Variants in DPP10 observed in about 807,000 individuals in gnomAD.
DPP10 encodes the protein inactive dipeptidyl peptidase 10.
A neutral mutation model predicts 120.9 loss-of-function variants in DPP10; 33 were observed. The ratio of observed to expected loss-of-function variants is 0.27; its 90% CI spans 0.21 to 0.37. The LOEUF (loss-of-function observed/expected upper bound fraction) is 0.37. Among genes scored for constraint, DPP10 ranks in the 10% least tolerant of loss-of-function variants. DPP10 has a pLI of 1.00. For synonymous variants in DPP10, 337 were observed against 326.1 expected (o/e 1.03, Z -0.36); for missense variants, 816 against 942.8 (o/e 0.87, Z 1.76).
chr2:115,365,772 G>A (rs2065043321), intron 3 of DPP10, among the ~76,000 whole-genome samples: 1 of 152,074 alleles, frequency 6.6e-6, no homozygotes, highest in African/African-American at 2.4e-5. Context: ...TTTTATTTGA[G>A]CTAAATTGGA....
intron 1 of DPP10, among the ~76,000 whole-genome samples, chr2:115,253,876 A>C (rs2058859214): frequency 6.6e-6 from 1 of 152,210 alleles, no homozygotes; most frequent in Non-Finnish European, 1.5e-5. Context: ...GCAATGCCAC[A>C]GTGGGAACTC....
chr2:114,842,430 A>G lies in DPP10; in HGVS notation c.60+399592A>G, dbSNP rs149261563. 5.0e-4 allele frequency among the ~76,000 whole-genome samples: 76 copies of G among 152,204 alleles called. 2 individuals carry two copies. Among genetic ancestry groups the G allele is most frequent in the African/African-American group, 1.4e-3 (58 of 41,546 alleles). On this transcript the variant is annotated intron_variant, in intron 1 of 25. Transcript: ENST00000410059. ...GTCAATCATGAATTAGATGATCAGG[A>G]GATGAGTGACTAAGTCTATAGGACG...
At chr2:115,235,214 G>A (rs113078864) in intron 1 of DPP10, among the ~76,000 whole-genome samples, 87 of 152,240 alleles carry the variant, frequency 5.7e-4, no homozygotes, top group African/African-American at 2.0e-3. Context: ...AATAATATGA[G>A]CTGGATATAG....
chr2:115,763,365 G>T (rs942304181), intron 12 of DPP10, among the ~76,000 whole-genome samples: 7 of 152,030 alleles, frequency 4.6e-5, no homozygotes, highest in Non-Finnish European at 1.0e-4. Flanking sequence ...ATTTATGCTT[G>T]CCATCTCCTC....
Position 115,207,322 on chromosome 2 carries a change from T to C in DPP10, c.61-101917T>C, listed in dbSNP as rs140667040. Among the ~76,000 whole-genome samples the C allele has an allele frequency of 7.8e-4, 118 of 151,034 alleles. 1 individual carries two copies. The East Asian group carries it at 0.016, about 21-fold the overall frequency. ...CTTGGCAATTAGTGCTTTCCTAGCTTCAGTTTTACTTTGGTGCAATAGGCA... is the reference window on the plus strand; with the variant it reads ...CTTGGCAATTAGTGCTTTCCTAGCTCCAGTTTTACTTTGGTGCAATAGGCA... On this transcript the variant is annotated intron_variant, in intron 1 of 25. Coordinates refer to ENST00000410059, the MANE Select transcript of DPP10 (RefSeq NM_020868.6).
chr2:114,646,085 A>G (rs1035809599), intron 1 of DPP10, among the ~76,000 whole-genome samples: 21 of 151,830 alleles, frequency 1.4e-4, no homozygotes, highest in African/African-American at 5.1e-4. Flanking sequence ...GCTTGAACCC[A>G]GGAGGCGGAG....
intron 1 of DPP10, among the ~76,000 whole-genome samples, chr2:114,497,294 CATGTATA>C (rs1204248954): frequency 1.8e-5 from 1 of 54,806 alleles, no homozygotes; most frequent in Non-Finnish European, 5.3e-5. Flanking sequence ...TATACATGTA[CATGTATA>C]CGTGTATACA....
At chr2:115,525,162 A>G (rs892713491) in intron 4 of DPP10, among the ~76,000 whole-genome samples, 1 of 151,968 alleles carries the variant, frequency 6.6e-6, no homozygotes, top group African/African-American at 2.4e-5. Context: ...TTTTGTTTCT[A>G]TTTTGGAGTT....
Position 115,207,982 on chromosome 2 carries a change from A to G in DPP10, c.61-101257A>G, listed in dbSNP as rs528100872. ...AGTGAGTCCTAGTTAGTTTTCTTAA[A>G]TGAATCTATTAGCCGATGTACAGAT... is the stretch of plus-strand genomic sequence containing the variant. On this transcript the variant is annotated intron_variant, in intron 1 of 25. Transcript: ENST00000410059. Among the ~76,000 whole-genome samples, 5 of 152,302 alleles carry G rather than the reference A, an allele frequency of 3.3e-5. No homozygotes were observed. In the East Asian group the frequency reaches 9.7e-4, roughly 29 times the overall value.
intron 1 of DPP10, among the ~76,000 whole-genome samples, chr2:114,908,965 G>T (rs1339884835): frequency 1.3e-5 from 2 of 151,560 alleles, no homozygotes; most frequent in African/African-American, 2.4e-5. Flanking sequence ...TTAGTACTGA[G>T]TTTACTACAT....
chr2:115,635,668 A>G (rs534950348), intron 5 of DPP10, among the ~76,000 whole-genome samples: 2 of 152,290 alleles, frequency 1.3e-5, no homozygotes, highest in African/African-American at 4.8e-5. Flanking sequence ...TTATTTGGAG[A>G]GGATCTTAGC....
intron 1 of DPP10, among the ~76,000 whole-genome samples, chr2:114,467,686 A>G (rs967863047): frequency 1.3e-5 from 2 of 152,186 alleles, no homozygotes; most frequent in Admixed American, 6.5e-5. Context: ...TCTGATTCCA[A>G]TCAATGCTTT....
chr2:115,707,473 A>T (rs911866026), intron 7 of DPP10, among the ~76,000 whole-genome samples: 1 of 148,730 alleles, frequency 6.7e-6, no homozygotes. Context: ...CTCTCTCCAC[A>T]TTTTTTATTG....
intron 1 of DPP10, among the ~76,000 whole-genome samples, chr2:114,459,107 G>T (rs1166703535): frequency 6.6e-6 from 1 of 152,100 alleles, no homozygotes; most frequent in African/African-American, 2.4e-5. Flanking sequence ...AAATGTTAAG[G>T]AATGTATAAC....
intron 1 of DPP10, among the ~76,000 whole-genome samples, chr2:115,261,788 A>T (rs1487611480): frequency 6.6e-6 from 1 of 152,172 alleles, no homozygotes; most frequent in African/African-American, 2.4e-5. Flanking sequence ...CCATATTAAC[A>T]TGCCTTTTGC....
At chr2:115,255,051 G>T (rs773725280) in intron 1 of DPP10, among the ~76,000 whole-genome samples, 1 of 152,230 alleles carries the variant, frequency 6.6e-6, no homozygotes, top group Non-Finnish European at 1.5e-5. Context: ...GGGGGCTCCA[G>T]TCCCACATTT....
chr2:115,246,165 T>C (rs1414754374), intron 1 of DPP10, among the ~76,000 whole-genome samples: 5 of 151,984 alleles, frequency 3.3e-5, no homozygotes, highest in African/African-American at 1.2e-4. Context: ...AAAAAAAAAA[T>C]GTGCACTTCA....
At chr2:115,425,992 G>T (rs2070423805) in intron 3 of DPP10, among the ~76,000 whole-genome samples, 1 of 152,350 alleles carries the variant, frequency 6.6e-6, no homozygotes, top group Middle Eastern at 3.4e-3. Context: ...CTGAACTAAT[G>T]AGGGATCTGC....
At chr2:115,348,670 T>A (rs1371256098) in intron 3 of DPP10, among the ~76,000 whole-genome samples, 1 of 152,138 alleles carries the variant, frequency 6.6e-6, no homozygotes, top group Non-Finnish European at 1.5e-5. Context: ...ATTCCAAAAT[T>A]TATCTGATGG....
Sources: gnomAD v4.1 joint callset for allele counts (sites outside exome capture counted in the v4.1 genomes callset) on GRCh38, gnomAD v4.1.1 for gene constraint, MANE v1.5 for transcripts, NCBI Gene and HGNC (gene_info 2026-07-23, HGNC 2026-07-21) for gene names.